Variants in SGO1 observed in about 807,000 individuals in gnomAD.
SGO1 encodes shugoshin 1, also known as serologically defined breast cancer antigen NY-BR-85.
A neutral mutation model predicts 50.5 loss-of-function variants in SGO1; 39 were observed. The ratio of observed to expected loss-of-function variants is 0.77; its 90% confidence interval spans 0.60 to 1.01. The LOEUF (loss-of-function observed/expected upper bound fraction) is 1.01. Ranked by LOEUF, SGO1 falls within the 50% of genes least tolerant of loss-of-function variation. The probability of loss-of-function intolerance (pLI) is 0.00; values close to 1 mark genes in which losing one functional copy is unlikely to be tolerated. For synonymous variants in SGO1, 191 were observed against 205.1 expected (o/e 0.93, Z 0.59); for missense variants, 638 against 606.0 (o/e 1.05, Z -0.55).
chr3:20,185,552 C>T (rs1361133111), intron 1 of SGO1, among the ~76,000 whole-genome samples: 1 of 152,084 alleles, frequency 6.6e-6, no homozygotes, highest in Non-Finnish European at 1.5e-5. Flanking sequence ...CATAATTCTC[C>T]AATTAGTCCT....
chr3:20,176,787 CTATTCTG>C, intron 4 of SGO1, 128 bp from the exon 5 acceptor site: 1 of 598,602 alleles, frequency 1.7e-6, no homozygotes, highest in Non-Finnish European at 2.8e-6. Flanking sequence ...ATCAATACAT[CTATTCTG>C]TATCAAAGGA....
intron 1 of SGO1, 111 bp from the exon 2 acceptor site, chr3:20,184,145 C>G (rs1169898811): frequency 1.3e-6 from 1 of 763,530 alleles, no homozygotes; most frequent in Non-Finnish European, 1.9e-6. Flanking sequence ...GTAGAATTAG[C>G]TCAAAGTAGA....
intron 3 of SGO1, among the ~76,000 whole-genome samples, chr3:20,183,013 G>A (rs915901063): frequency 2.1e-4 from 32 of 150,764 alleles, no homozygotes; most frequent in South Asian, 6.3e-4. Flanking sequence ...GGGAGACGCC[G>A]TCTCAAAAAA....
intron 6 of SGO1, among the ~76,000 whole-genome samples, chr3:20,172,585 C>G (rs1700869546): frequency 6.6e-6 from 1 of 150,904 alleles, no homozygotes; most frequent in Non-Finnish European, 1.5e-5. Flanking sequence ...TAAAAGACGT[C>G]TAGGGATTAA....
chr3:20,178,087 G>C (rs73175204), intron 4 of SGO1, among the ~76,000 whole-genome samples, 184 bp downstream of exon 4: 39,961 of 151,856 alleles, frequency 0.26, 5,230 homozygotes, highest in African/African-American at 0.27. Flanking sequence ...GAAAAAGAAG[G>C]GTTTAGCTTG....
Position 20,174,297 on chromosome 3 carries a change from T to G in SGO1, c.1234A>C (p.Thr412Pro). 1.2e-6 allele frequency: 2 copies of G among 1,614,194 alleles called. No homozygotes were observed. Among genetic ancestry groups the G allele is most frequent in the Non-Finnish European group, 1.7e-6 (2 of 1,180,018 alleles). ...GAACCCTCCGTCTCTTTTTCATCTGTGTATTTCAGTGCTCTTTTAGCTAGA... is the reference window on the plus strand; with the variant it reads ...GAACCCTCCGTCTCTTTTTCATCTGGGTATTTCAGTGCTCTTTTAGCTAGA... ...RPLAKRALKY[T>P]DEKETEGSKP... The change falls in exon 6 of 8, where the codon ACA (threonine) becomes CCA (proline). Residue 412 changes from threonine to proline, a missense_variant. Thr to Pro is a conservative substitution (Grantham distance 38). Transcript: ENST00000412997.
At chr3:20,166,331 G>A (rs1700300050), downstream of SGO1, among the ~76,000 whole-genome samples, 1 of 152,128 alleles carries the variant, frequency 6.6e-6, no homozygotes, top group Admixed American at 6.5e-5. Context: ...TTTCTTCAAA[G>A]ATATACAAAC....
At chr3:20,183,029 A>T (rs576980952) in intron 3 of SGO1, among the ~76,000 whole-genome samples, 119 of 152,232 alleles carry the variant, frequency 7.8e-4, no homozygotes, top group Non-Finnish European at 1.4e-3. Context: ...AAAAAAAAAA[A>T]ATATTTGAGC....
intron 8 of SGO1, among the ~76,000 whole-genome samples, chr3:20,163,145 AAG>A (rs771350899): frequency 6.6e-6 from 1 of 152,140 alleles, no homozygotes; most frequent in Non-Finnish European, 1.5e-5. Context: ...ATGAATAAAA[AAG>A]AGAGAAATCA....
chr3:20,160,994 C>G, exon 9 of SGO1: 3 of 1,495,952 alleles, frequency 2.0e-6, no homozygotes, highest in Non-Finnish European at 2.7e-6. Context: ...AGACTGTCAA[C>G]ACCCCTCCAT....
chr3:20,176,639 G>A lies in SGO1; in HGVS notation c.437C>T (p.Thr146Ile), dbSNP rs772382571. 11 of 1,561,454 alleles carry A rather than the reference G, an allele frequency of 7.0e-6. No individual in the cohort carries two copies. The highest frequency in any genetic ancestry group is 2.0e-5 in the Admixed American group (1 of 48,940). Residue 146 changes from threonine to isoleucine, a missense_variant, in exon 5 of 8, where the codon ACT (threonine) becomes ATT (isoleucine). Coordinates refer to ENST00000412997, the MANE Select transcript of SGO1 (RefSeq NM_001199251.3). Reference protein sequence around the residue: ...KDLPQIPLEETELPGQGESFQ... With the variant: ...KDLPQIPLEEIELPGQGESFQ... ...TGATTCTCCTTGTCCTGGAAGTTCA[G>A]TTTCTTCAAGAGGAATTTGCCTTAG...
chr3:20,171,076 G>C lies in SGO1; in HGVS notation c.1439C>G (p.Ala480Gly). The C allele has an allele frequency of 6.2e-7, 1 of 1,604,604 alleles. No individual in the cohort carries two copies. Among genetic ancestry groups the C allele is most frequent in the Admixed American group, 1.8e-5 (1 of 57,102 alleles). ...GGTGGGCTCCTTATAGTTCACGCTGGCTGTGCACCTACGTTTAGGCAGAGC... is the reference window on the plus strand; with the variant it reads ...GGTGGGCTCCTTATAGTTCACGCTGCCTGTGCACCTACGTTTAGGCAGAGC... ...AVALPKRRCT[A>G]SVNYKEPTLA... Residue 480 changes from alanine to glycine, a missense_variant, in exon 7 of 8, where the codon GCC (alanine) becomes GGC (glycine). Coordinates refer to ENST00000412997, the MANE Select transcript of SGO1 (RefSeq NM_001199251.3).
chr3:20,176,145 A>C (rs1372377508), intron 5 of SGO1, among the ~76,000 whole-genome samples: 2 of 152,208 alleles, frequency 1.3e-5, no homozygotes, highest in African/African-American at 4.8e-5. Context: ...GAGAACATGG[A>C]CATATCAATT....
intron 6 of SGO1, 92 bp from the exon 7 acceptor site, chr3:20,171,324 C>T: frequency 2.0e-6 from 2 of 1,018,880 alleles, no homozygotes; most frequent in Admixed American, 6.4e-5. Context: ...TAACTGTACA[C>T]AAAATCCAGC....
downstream of SGO1, among the ~76,000 whole-genome samples, chr3:20,164,486 T>G (rs896790844): frequency 6.6e-6 from 1 of 152,194 alleles, no homozygotes; most frequent in African/African-American, 2.4e-5. Flanking sequence ...ATCACAGTAA[T>G]GCCCTAGGAC....
chr3:20,180,026 G>T (rs1701830818), intron 3 of SGO1, among the ~76,000 whole-genome samples: 1 of 152,154 alleles, frequency 6.6e-6, no homozygotes, highest in Non-Finnish European at 1.5e-5. Flanking sequence ...GCCAGGCGTG[G>T]TACCTCATGC....
chr3:20,182,094 A>C (rs1702079482), intron 3 of SGO1, among the ~76,000 whole-genome samples: 2 of 152,136 alleles, frequency 1.3e-5, no homozygotes, highest in South Asian at 4.1e-4. Context: ...AGAAAAAAAA[A>C]AGAAAAAAAA....
At chr3:20,162,264 A>G (rs1387335126) in intron 8 of SGO1, among the ~76,000 whole-genome samples, 1 of 152,228 alleles carries the variant, frequency 6.6e-6, no homozygotes, top group African/African-American at 2.4e-5. Context: ...TGTGAGCCAA[A>G]CAACACTCAA....
chr3:20,161,559 A>G (rs1700040168), intron 8 of SGO1, among the ~76,000 whole-genome samples: 1 of 152,162 alleles, frequency 6.6e-6, no homozygotes, highest in Non-Finnish European at 1.5e-5. Context: ...GAGTTAAGAG[A>G]CACAGGTTAT....
Sources: allele counts gnomAD v4.1 joint callset (sites outside exome capture counted in the v4.1 genomes callset), GRCh38; gene constraint gnomAD v4.1.1; transcripts MANE v1.5; gene names NCBI Gene and HGNC (gene_info 2026-07-23, HGNC 2026-07-21).